The following DNAI7 variants were observed in gnomAD, a reference collection of about 807,000 sequenced individuals.
DNAI7 encodes the protein cancer susceptibility 1.
In DNAI7, 78 loss-of-function variants were observed where a neutral mutation model predicts 86.6. The observed-to-expected ratio is 0.90, with a 90% confidence interval of 0.75 to 1.09. DNAI7 has a LOEUF of 1.09. Among genes scored for constraint, DNAI7 ranks in the 50% least tolerant of loss-of-function variants. The pLI is 0.00. For synonymous variants in DNAI7, 274 were observed against 273.0 expected (o/e 1.00, Z -0.04); for missense variants, 753 against 810.2 (o/e 0.93, Z 0.86).
rs1475204855 is a variant in DNAI7, at chr12:25,144,414, T to C, written c.953A>G (p.Glu318Gly). ...TTCCTCCTCAACTTTTATTTCTTCCTCCTGAATTAAGTGAGACCCTCTTTC... is the reference window on the plus strand; with the variant it reads ...TTCCTCCTCAACTTTTATTTCTTCCCCCTGAATTAAGTGAGACCCTCTTTC... The part of the protein sequence containing the change: ...QQERGSHLIQ[E>G]EEIKVEEEQG... The change falls in exon 9 of 16, where the codon GAG becomes GGG. Residue 318 changes from glutamate (E) to glycine (G), a missense_variant. By Grantham distance (98) the Glu-to-Gly change is moderately conservative (BLOSUM62 -2). Transcript: ENST00000395987. 3 of 1,613,980 alleles carry C rather than the reference T, an allele frequency of 1.9e-6. No individual in the cohort carries two copies. The highest frequency in any genetic ancestry group is 2.5e-6 in the Non-Finnish European group (3 of 1,179,992).
At position 25,108,839 on chromosome 12, in the gene DNAI7, A is replaced by AAAAAAAAAAAAAAAAAAAAAAAAAAAAC; in HGVS notation, c.1894-17_1894-16insGTTTTTTTTTTTTTTTTTTTTTTTTTTT. On this transcript the variant is annotated splice_polypyrimidine_tract_variant and intron_variant, in intron 15 of 15. Coordinates refer to ENST00000395987, the MANE Select transcript of DNAI7 (RefSeq NM_018272.5). ...GTTCCCTCACCTAAAAAAAAAAAAA[A>AAAAAAAAAAAAAAAAAAAAAAAAAAAAC]TTCAAGCAAGTTGTTAATAATTCCT... 1 of 1,112,048 alleles carries AAAAAAAAAAAAAAAAAAAAAAAAAAAAC rather than the reference A, an allele frequency of 9.0e-7. No homozygotes were observed. Among genetic ancestry groups the AAAAAAAAAAAAAAAAAAAAAAAAAAAAC allele is most frequent in the Non-Finnish European group, 1.2e-6 (1 of 814,768 alleles). The allele number at this position is 1,112,048 out of a possible 1,614,324, so 68.9% of individuals were successfully genotyped here. A position where few individuals can be genotyped will look rare whatever the true frequency, so the allele number is the denominator to read the frequency against.
At position 25,108,487 on chromosome 12, in the gene DNAI7, A is replaced by G. The variant is rs1949411150; in HGVS notation, c.*61T>C. ...ATTCACTCATTACATTGTGTTGCAGAAATACCTGTCTTTCACCATGCTTGG... is the reference window on the plus strand; with the variant it reads ...ATTCACTCATTACATTGTGTTGCAGGAATACCTGTCTTTCACCATGCTTGG... On this transcript the variant is annotated 3_prime_UTR_variant, in exon 16 of 16. Transcript: ENST00000395987. The G allele has an allele frequency of 7.0e-7, 1 of 1,418,530 alleles. No homozygotes were observed. The highest frequency in any genetic ancestry group is 2.3e-5 in the East Asian group (1 of 43,034). 87.9% of individuals were successfully genotyped at this position (1,418,530 alleles called of 1,614,324 possible). A position where few individuals can be genotyped will look rare whatever the true frequency, so the allele number is the denominator to read the frequency against.
chr12:25,162,490 C>G (rs978185321), intron 2 of DNAI7, among the ~76,000 whole-genome samples: 4 of 152,158 alleles, frequency 2.6e-5, no homozygotes, highest in Admixed American at 2.6e-4. Flanking sequence ...TCCATTTTCA[C>G]AGGGGAAAGC....
At chr12:25,116,738 G>A (rs1471354804) in intron 12 of DNAI7, among the ~76,000 whole-genome samples, 3 of 151,114 alleles carry the variant, frequency 2.0e-5, no homozygotes, top group South Asian at 2.1e-4. Flanking sequence ...CAGGTGTTCC[G>A]CCTGCCTCAG....
intron 2 of DNAI7, 148 bp from the exon 3 acceptor site, chr12:25,161,345 G>T: frequency 1.5e-6 from 1 of 673,368 alleles, no homozygotes; most frequent in Non-Finnish European, 2.6e-6. Flanking sequence ...CTGCCTCTTA[G>T]TGTAAAGCTT....
At chr12:25,123,331 A>AAAGACAATGACTGTACTATG in intron 9 of DNAI7, 45 bp from the exon 10 acceptor site, 2 of 1,310,572 alleles carry the variant, frequency 1.5e-6, no homozygotes, top group Non-Finnish European at 2.1e-6. Flanking sequence ...CAGTGTCTAC[A>AAAGACAATGACTGTACTATG]TAGTACAGTC....
chr12:25,160,415 C>G (rs188443191), intron 3 of DNAI7, among the ~76,000 whole-genome samples: 20 of 152,332 alleles, frequency 1.3e-4, no homozygotes, highest in Admixed American at 1.3e-3. Flanking sequence ...TGACTCCACC[C>G]TGACTCATTC....
intron 2 of DNAI7, among the ~76,000 whole-genome samples, chr12:25,164,545 G>A (rs571978351): frequency 6.6e-6 from 1 of 152,070 alleles, no homozygotes; most frequent in Non-Finnish European, 1.5e-5. Context: ...CTTGACAGTA[G>A]TTCCAAATAG....
intron 1 of DNAI7, among the ~76,000 whole-genome samples, chr12:25,192,175 C>T (rs1950586654): frequency 6.6e-6 from 1 of 152,192 alleles, no homozygotes; most frequent in East Asian, 1.9e-4. Context: ...CTATTTTTAT[C>T]ATAGCTTCTA....
In DNAI7 at chr12:25,148,787, A is replaced by G. The variant is rs373966001; in HGVS notation, c.585+841T>C. On this transcript the variant is annotated intron_variant, in intron 7 of 15. Transcript: ENST00000395987. ...GACTTCTAAGCTAGCCTCTTAGCTA[A>G]CGGCATCCCTTTCATACAATGTCAT... Among the ~76,000 whole-genome samples the G allele has an allele frequency of 1.9e-4, 29 of 152,276 alleles. No homozygotes were observed. In the East Asian group the frequency reaches 5.2e-3, roughly 27 times the overall value.
intron 4 of DNAI7, among the ~76,000 whole-genome samples, chr12:25,155,847 C>G (rs555391739): frequency 1.9e-3 from 296 of 152,238 alleles, no homozygotes; most frequent in African/African-American, 6.4e-3. Flanking sequence ...CAGTGGCTCA[C>G]GCCTGTAATC....
chr12:25,119,361 A>G, intron 11 of DNAI7, 60 bp from the exon 12 acceptor site: 1 of 1,028,248 alleles, frequency 9.7e-7, no homozygotes, highest in Non-Finnish European at 1.5e-6. Flanking sequence ...AAAAATGTAA[A>G]TAGTACTGAA....
chr12:25,125,200 T>G (rs1819632161), intron 9 of DNAI7, among the ~76,000 whole-genome samples: 1 of 152,186 alleles, frequency 6.6e-6, no homozygotes, highest in African/African-American at 2.4e-5. Context: ...ACCATATTGC[T>G]TTCCACAATG....
At chr12:25,152,665 C>T (rs1328661297) in intron 6 of DNAI7, among the ~76,000 whole-genome samples, 1 of 152,150 alleles carries the variant, frequency 6.6e-6, no homozygotes, top group South Asian at 2.1e-4. Flanking sequence ...TGATTTATAA[C>T]AGGCTGATCA....
chr12:25,108,620 C>CCTGA lies in DNAI7; in HGVS notation c.2093_2096dup (p.Arg699SerfsTer52). On this transcript the variant is annotated frameshift_variant, in exon 16 of 16. Transcript: ENST00000395987. LOFTEE classifies it low-confidence loss of function (END_TRUNC). Reference sequence around the variant, plus strand: ...AGTTGACAAACTGACAGTTGGAACTCCTGACTTTCTCCATTGCTTCCTCAG... The same window carrying CCTGA: ...AGTTGACAAACTGACAGTTGGAACTCCTGACTGACTTTCTCCATTGCTTCCTCAG... The CCTGA allele has an allele frequency of 1.2e-6, 2 of 1,613,654 alleles. No homozygotes were observed. The highest frequency in any genetic ancestry group is 2.2e-5 in the South Asian group (2 of 91,052).
Position 25,144,529 on chromosome 12 carries a change from T to G in DNAI7, c.838A>C (p.Thr280Pro), listed in dbSNP as rs1362655282. 16 of 1,613,986 alleles carry G rather than the reference T, an allele frequency of 9.9e-6. No individual in the cohort carries two copies. Among genetic ancestry groups the G allele is most frequent in the Non-Finnish European group, 1.4e-5 (16 of 1,180,014 alleles). Residue 280 changes from threonine to proline, a missense_variant, in exon 9 of 16, where the codon ACT (threonine) becomes CCT (proline). Physicochemically the swap from Thr to Pro is conservative, Grantham distance 38 (BLOSUM62 -1). Coordinates refer to ENST00000395987, the MANE Select transcript of DNAI7 (RefSeq NM_018272.5). ...TTGACAAGCTCAGTTACTGCAGAAGTGTATTCTTTTGATGGTGTTGAAACA... is the reference window on the plus strand; with the variant it reads ...TTGACAAGCTCAGTTACTGCAGAAGGGTATTCTTTTGATGGTGTTGAAACA... ...HPVSTPSKEY[T>P]SAVTELVKDD...
At chr12:25,167,995 C>T (rs1339442758) in intron 2 of DNAI7, among the ~76,000 whole-genome samples, 1 of 152,086 alleles carries the variant, frequency 6.6e-6, no homozygotes, top group Non-Finnish European at 1.5e-5. Flanking sequence ...TACCCAGCCC[C>T]GAAAATAACA....
At chr12:25,142,398 C>T (rs1369395280) in intron 9 of DNAI7, among the ~76,000 whole-genome samples, 1 of 151,994 alleles carries the variant, frequency 6.6e-6, no homozygotes, top group Non-Finnish European at 1.5e-5. Flanking sequence ...GTAGTGTCCA[C>T]TGCTCGGGTA....
intron 2 of DNAI7, among the ~76,000 whole-genome samples, chr12:25,183,095 T>C (rs536592822): frequency 6.6e-6 from 1 of 152,220 alleles, no homozygotes; most frequent in African/African-American, 2.4e-5. Context: ...TGCAGCAACA[T>C]GGATACAGTT....
Sources: gnomAD v4.1 joint callset for allele counts (sites outside exome capture counted in the v4.1 genomes callset) on GRCh38, gnomAD v4.1.1 for gene constraint, MANE v1.5 for transcripts, NCBI Gene and HGNC (gene_info 2026-07-23, HGNC 2026-07-21) for gene names.